The following IARS1 variants were observed in gnomAD, a reference collection of about 807,000 sequenced individuals.
IARS1 encodes isoleucine--tRNA ligase, cytoplasmic.
A neutral mutation model predicts 168.2 loss-of-function variants in IARS1; 124 were observed. The observed-to-expected ratio is 0.74, with a 90% CI of 0.64 to 0.86. The LOEUF is 0.86. Among genes scored for constraint, IARS1 ranks in the 40% least tolerant of loss-of-function variants. The pLI, the probability that IARS1 is intolerant of heterozygous loss-of-function variation, is 0.00. For missense variants in IARS1, 1,452 were observed against 1,515.8 expected (o/e 0.96, Z 0.70); for synonymous variants, 532 against 529.4 (o/e 1.00, Z -0.07).
Position 92,256,746 on chromosome 9 carries a change from T to C in IARS1, c.2071A>G (p.Ile691Val), listed in dbSNP as rs774147781. The C allele has an allele frequency of 3.7e-6, 6 of 1,613,908 alleles. No individual in the cohort carries two copies. The highest frequency in any genetic ancestry group is 2.2e-5 in the South Asian group (2 of 91,058). ...NENTVRESPN[I>V]TDRWILSFMQ... ...AAGGACAGGATCCACCGGTCTGTAA[T>C]GTTGGGGCTTTCTCTAACCGTGTTC... The change falls in exon 20 of 34, where the codon ATT (isoleucine) becomes GTT (valine). Residue 691 changes from isoleucine to valine, a missense_variant. Physicochemically the swap from Ile to Val is conservative, Grantham distance 29. Coordinates refer to ENST00000443024, the MANE Select transcript of IARS1 (RefSeq NM_002161.6).
rs1829361642 is a variant in IARS1, at chr9:92,247,353, GCCCTTGTCTGTGTAGACA to G, written c.2791+6_2791+23del. 6.2e-7 allele frequency: 1 copy of G among 1,603,016 alleles called. No individual in the cohort carries two copies. Among genetic ancestry groups the G allele is most frequent in the African/African-American group, 1.3e-5 (1 of 74,472 alleles). ...CCCTCAGACTCAGGACATAAATGGT[GCCCTTGTCTGTGTAGACA>G]CCTACCAGTCTTCTGGAACTGCTCC... is the stretch of plus-strand genomic sequence containing the variant. On this transcript the variant is annotated splice_donor_region_variant and intron_variant, in intron 26 of 33. Transcript: ENST00000443024.
At chr9:92,229,358 T>TACACACAC (rs113517739) in intron 30 of IARS1, among the ~76,000 whole-genome samples, 23,373 of 144,738 alleles carry the variant, frequency 0.16, 2,460 homozygotes, top group African/African-American at 0.29. Context: ...ATATATACAC[T>TACACACAC]ACACACACAC....
chr9:92,240,335 C>A, intron 30 of IARS1: 1 of 260,724 alleles, frequency 3.8e-6, no homozygotes, highest in Non-Finnish European at 7.3e-6. Flanking sequence ...GCAATCTCAG[C>A]TCACTGCAAC....
chr9:92,221,785 T>A (rs928059148), intron 33 of IARS1, among the ~76,000 whole-genome samples: 7 of 152,164 alleles, frequency 4.6e-5, no homozygotes, highest in Non-Finnish European at 8.8e-5. Flanking sequence ...GTTACGTGTC[T>A]CAAGGAAAAA....
intron 29 of IARS1, 35 bp from the exon 30 acceptor site, chr9:92,240,996 G>T: frequency 8.0e-7 from 1 of 1,253,986 alleles, no homozygotes; most frequent in Non-Finnish European, 1.2e-6. Flanking sequence ...GAGTAACTGT[G>T]GCACCTGACT....
intron 31 of IARS1, among the ~76,000 whole-genome samples, chr9:92,226,381 G>A (rs1247141634): frequency 6.6e-6 from 1 of 152,114 alleles, no homozygotes; most frequent in Non-Finnish European, 1.5e-5. Context: ...ACCTCACTGT[G>A]GTACTATCTT....
chr9:92,230,826 T>A (rs1826555463), intron 30 of IARS1, among the ~76,000 whole-genome samples: 1 of 152,238 alleles, frequency 6.6e-6, no homozygotes, highest in African/African-American at 2.4e-5. Context: ...TGATTTCAAC[T>A]TGAATTTTCC....
intron 33 of IARS1, among the ~76,000 whole-genome samples, chr9:92,221,332 A>G (rs1015904547): frequency 6.6e-6 from 1 of 152,238 alleles, no homozygotes; most frequent in African/African-American, 2.4e-5. Context: ...GCAATTTTCC[A>G]CAAGTGCCGA....
intron 21 of IARS1, 139 bp from the exon 22 acceptor site, chr9:92,252,024 G>C: frequency 1.5e-6 from 1 of 680,034 alleles, no homozygotes; most frequent in Non-Finnish European, 2.5e-6. Flanking sequence ...AAGGAGAAAG[G>C]GCCACGACCA....
At chr9:92,271,443 C>T (rs911367584) in intron 11 of IARS1, 90 bp downstream of exon 11, 14 of 1,526,642 alleles carry the variant, frequency 9.2e-6, no homozygotes, top group Middle Eastern at 1.7e-4. Context: ...ATAAAAACAA[C>T]TTCCTAGAAG....
At chr9:92,286,922 G>A (rs1478297561) in intron 4 of IARS1, among the ~76,000 whole-genome samples, 2 of 152,168 alleles carry the variant, frequency 1.3e-5, no homozygotes, top group Non-Finnish European at 2.9e-5. Flanking sequence ...ATCCATGGAT[G>A]TTAAAATTAA....
intron 6 of IARS1, among the ~76,000 whole-genome samples, chr9:92,281,379 C>A (rs1834540484): frequency 6.6e-6 from 1 of 152,088 alleles, no homozygotes; most frequent in Non-Finnish European, 1.5e-5. Flanking sequence ...GGTGATCCTC[C>A]CACCTCAGCC....
chr9:92,278,286 T>C lies in IARS1; in HGVS notation c.746A>G (p.Asp249Gly). The change falls in exon 8 of 34, where the codon GAT becomes GGT. Residue 249 changes from aspartate to glycine, a missense_variant and splice_region_variant. Physicochemically the swap from Asp to Gly is moderately conservative, Grantham distance 94 (BLOSUM62 -1). Transcript: ENST00000443024. ...AATGAGTAATCGTCCTCTGGCAACA[T>C]CTACGAGAAAAAGGAAAAACATGGA... ...NPEMQYVKIK[D>G]VARGRLLILM... 1 of 1,606,978 alleles carries C rather than the reference T, an allele frequency of 6.2e-7. No homozygotes were observed. Among genetic ancestry groups the C allele is most frequent in the Non-Finnish European group, 8.5e-7 (1 of 1,173,576 alleles).
Position 92,293,624 on chromosome 9 carries a change from C to A in IARS1, c.-21G>T. ...GAGAGGGCGTACCTGAGGGGCCTCG[C>A]GTGCCTGGACAGCCCCGCGGGCCAG... On this transcript the variant is annotated 5_prime_UTR_variant, in exon 1 of 34. Transcript: ENST00000443024. 1 of 328,066 alleles carries A rather than the reference C, an allele frequency of 3.0e-6. No homozygotes were observed. Among genetic ancestry groups the A allele is most frequent in the South Asian group, 2.5e-5 (1 of 39,318 alleles). 20.3% of individuals were successfully genotyped at this position (328,066 alleles called of 1,614,324 possible).
At chr9:92,246,077 T>C (rs1829157024) in intron 26 of IARS1, among the ~76,000 whole-genome samples, 2 of 152,226 alleles carry the variant, frequency 1.3e-5, no homozygotes, top group South Asian at 4.2e-4. Flanking sequence ...CCCCCAGCCA[T>C]CTCAGGAATT....
At chr9:92,270,537 G>A (rs1832871058) in intron 12 of IARS1, among the ~76,000 whole-genome samples, 1 of 152,158 alleles carries the variant, frequency 6.6e-6, no homozygotes, top group Non-Finnish European at 1.5e-5. Flanking sequence ...GCTCATGCCT[G>A]TAATCTCAGC....
At chr9:92,264,845 A>T in intron 16 of IARS1, 84 bp downstream of exon 16, 1 of 1,161,762 alleles carries the variant, frequency 8.6e-7, no homozygotes, top group Non-Finnish European at 1.2e-6. Flanking sequence ...ATCACCCAGT[A>T]GATAAATGGC....
rs370717248 is a variant in IARS1 at position 92,243,355 on chromosome 9, A to G, written c.2905-44T>C. On this transcript the variant is annotated intron_variant, in intron 27 of 33. Coordinates refer to ENST00000443024, the MANE Select transcript of IARS1 (RefSeq NM_002161.6). ...CACACCATGACAATCAAATAAGGAG[A>G]AACACTTCTTCCCAACTCAGCAAAA... 6.0e-6 allele frequency: 8 copies of G among 1,336,684 alleles called. No homozygotes were observed. The Admixed American group carries it at 6.9e-5, about 11-fold the overall frequency. 82.8% of individuals were successfully genotyped at this position (1,336,684 alleles called of 1,614,324 possible).
At chr9:92,243,937 T>C (rs1828814805) in intron 27 of IARS1, among the ~76,000 whole-genome samples, 2 of 152,188 alleles carry the variant, frequency 1.3e-5, no homozygotes, top group African/African-American at 4.8e-5. Context: ...ACACAGCATG[T>C]TGCAGAGTAA....
Sources: allele counts gnomAD v4.1 joint callset (sites outside exome capture counted in the v4.1 genomes callset), GRCh38; gene constraint gnomAD v4.1.1; transcripts MANE v1.5; gene names NCBI Gene and HGNC (gene_info 2026-07-23, HGNC 2026-07-21).